The following CUX1 variants were observed in gnomAD, a reference collection of about 807,000 sequenced individuals.
CUX1 encodes the protein cut like homeobox 1.
A neutral mutation model predicts 158.8 loss-of-function variants in CUX1; 31 were observed. The observed-to-expected ratio is 0.20, with a 90% confidence interval of 0.15 to 0.26. CUX1 has a LOEUF of 0.26. CUX1 is among the 10% of genes least tolerant of loss of function. The pLI is 1.00. For synonymous variants in CUX1, 879 were observed against 862.1 expected, an observed-to-expected ratio of 1.02 and a Z score of -0.34; for missense variants, 1,589 against 2,014.6, an observed-to-expected ratio of 0.79 and a Z score of 4.04.
At chr7:102,082,203 A>G (rs1827492965) in intron 4 of CUX1, among the ~76,000 whole-genome samples, 1 of 146,474 alleles carries the variant, frequency 6.8e-6, no homozygotes, top group Non-Finnish European at 1.5e-5. Flanking sequence ...TCTCCAAACT[A>G]CTTTTGCTTA....
chr7:101,920,639 A>G (rs1804807873), intron 2 of CUX1, among the ~76,000 whole-genome samples: 1 of 152,212 alleles, frequency 6.6e-6, no homozygotes, highest in South Asian at 2.1e-4. Context: ...ATCATATGAT[A>G]TTGTGTCTTT....
rs142773399 is a variant in CUX1 at position 102,241,210 on chromosome 7, T to C, written c.3887+1626T>C. 1.0e-3 allele frequency among the ~76,000 whole-genome samples: 154 copies of C among 152,222 alleles called. 2 individuals are homozygous for C. Among genetic ancestry groups the C allele is most frequent in the African/African-American group, 3.6e-3 (149 of 41,526 alleles). ...GCTGTCTTGGTAGAACAAAGTGCAC[T>C]GGGATGAAGTGTTTGGAGTAGATGG... On this transcript the variant is annotated intron_variant, in intron 23 of 23. Transcript: ENST00000292535.
At chr7:101,952,060 C>G (rs1328996805) in intron 2 of CUX1, among the ~76,000 whole-genome samples, 1 of 152,156 alleles carries the variant, frequency 6.6e-6, no homozygotes, top group Non-Finnish European at 1.5e-5. Flanking sequence ...GTGGCCCAGG[C>G]CAGCAGCATC....
At chr7:102,259,607 A>C (rs967625217), downstream of CUX1, among the ~76,000 whole-genome samples, 17 of 152,064 alleles carry the variant, frequency 1.1e-4, no homozygotes, top group South Asian at 4.1e-4. Context: ...AACAAACAAA[A>C]AAATAACCCT....
chr7:101,921,895 A>T (rs918713564), intron 2 of CUX1, among the ~76,000 whole-genome samples: 1 of 152,202 alleles, frequency 6.6e-6, no homozygotes, highest in African/African-American at 2.4e-5. Flanking sequence ...AGGTGGGAGG[A>T]TCGCTTCAGA....
At chr7:102,075,967 A>G (rs1174377634) in intron 4 of CUX1, among the ~76,000 whole-genome samples, 1 of 152,102 alleles carries the variant, frequency 6.6e-6, no homozygotes, top group Non-Finnish European at 1.5e-5. Flanking sequence ...AGCCCAGCAC[A>G]CAGGGTAGGA....
intron 2 of CUX1, among the ~76,000 whole-genome samples, chr7:101,983,579 G>C (rs1042964887): frequency 2.0e-5 from 3 of 152,230 alleles, no homozygotes; most frequent in Non-Finnish European, 4.4e-5. Flanking sequence ...CCATGGTTCT[G>C]CAGGTTGTAC....
chr7:102,210,095 C>CGTTTTT (rs1291348391), intron 20 of CUX1, among the ~76,000 whole-genome samples: 3 of 151,670 alleles, frequency 2.0e-5, no homozygotes, highest in African/African-American at 4.8e-5. Context: ...CTTTTTTATT[C>CGTTTTT]GTTTTTGTTT....
intron 12 of CUX1, 84 bp from the exon 13 acceptor site, chr7:102,193,758 C>A: frequency 7.1e-7 from 1 of 1,398,620 alleles, no homozygotes; most frequent in Non-Finnish European, 9.8e-7. Context: ...GCCAATATCG[C>A]GCCACTGCAC....
chr7:102,070,718 A>G (rs1826030337), intron 4 of CUX1, among the ~76,000 whole-genome samples: 1 of 152,212 alleles, frequency 6.6e-6, no homozygotes, highest in Admixed American at 6.5e-5. Context: ...TGCAGAGAAG[A>G]TGCAGACCTG....
intron 4 of CUX1, among the ~76,000 whole-genome samples, chr7:102,077,892 A>G (rs1042083731): frequency 1.8e-4 from 27 of 146,302 alleles, no homozygotes; most frequent in Admixed American, 6.8e-5. Flanking sequence ...TTTTTTTTTT[A>G]CAATGAGTAT....
intron 20 of CUX1, among the ~76,000 whole-genome samples, chr7:102,214,201 A>G (rs1478937318): frequency 6.6e-6 from 1 of 152,158 alleles, no homozygotes; most frequent in Non-Finnish European, 1.5e-5. Context: ...ACCAAGGCTC[A>G]GAGATAAAAG....
chr7:102,238,320 C>T (rs535119104), intron 22 of CUX1, among the ~76,000 whole-genome samples: 156 of 152,326 alleles, frequency 1.0e-3, no homozygotes, highest in Middle Eastern at 0.01. Context: ...TTCCCAGACG[C>T]TGGCGTTACC....
Position 102,273,486 on chromosome 7 carries a change from A to G in CUX1, c.1376A>G (p.Asp459Gly), listed in dbSNP as rs1490786561. The G allele has an allele frequency of 5.6e-6, 9 of 1,610,602 alleles. No individual in the cohort carries two copies. In the Admixed American group the frequency reaches 6.7e-5, roughly 12 times the overall value. The stretch of plus-strand genomic sequence containing the variant: ...ATCATTCAGTCCATCCAGCGGCCCG[A>G]TGCCGAGGTGAGCCCACCCCCCTGC... The change falls in exon 15 of 23, where the codon GAT (aspartate) becomes GGT (glycine). Residue 459 changes from aspartate (D) to glycine (G), a missense_variant. Physicochemically the swap from Asp to Gly is moderately conservative, Grantham distance 94 (BLOSUM62 -1). Transcript: ENST00000292538.
In CUX1 at chr7:102,104,817, G is replaced by A. The variant is rs991791065; in HGVS notation, c.530+358G>A. 3.9e-5 allele frequency among the ~76,000 whole-genome samples: 6 copies of A among 152,236 alleles called. 1 individual carries two copies. Among genetic ancestry groups the A allele is most frequent in the Admixed American group, 6.5e-5 (1 of 15,280 alleles). ...TGAGGCAGGAGACTCACTTGAACCC[G>A]GGAGGCAGAGGTTGCAGTGAGCCGA... On this transcript the variant is annotated intron_variant, in intron 6 of 23. Transcript: ENST00000292535.
intron 2 of CUX1, among the ~76,000 whole-genome samples, chr7:102,019,998 CTA>C (rs1819158292): frequency 2.6e-5 from 4 of 152,092 alleles, no homozygotes; most frequent in South Asian, 4.1e-4. Context: ...TAGAAAAAGA[CTA>C]TTCATTTATT....
At position 101,991,877 on chromosome 7, in the gene CUX1, C is replaced by G. The variant is rs1010417524; in HGVS notation, c.142-36221C>G. Among the ~76,000 whole-genome samples, 3 of 151,866 alleles carry G rather than the reference C, an allele frequency of 2.0e-5. No individual in the cohort carries two copies. In the South Asian group the frequency reaches 6.2e-4, roughly 32 times the overall value. On this transcript the variant is annotated intron_variant, in intron 2 of 23. Coordinates refer to ENST00000292535, the MANE Select transcript of CUX1 (RefSeq NM_181552.4). The stretch of plus-strand genomic sequence containing the variant: ...AGGAGTTCAAGACCAGTCTGGGCAA[C>G]ATAGCAAGACCTCATCTCTACAAAA...
At chr7:101,875,918 T>A (rs991588037) in intron 1 of CUX1, among the ~76,000 whole-genome samples, 1 of 151,924 alleles carries the variant, frequency 6.6e-6, no homozygotes, top group Non-Finnish European at 1.5e-5. Context: ...TACAAGAAAT[T>A]ATGGTGAAGG....
At chr7:101,856,524 C>T (rs1341131059) in intron 1 of CUX1, among the ~76,000 whole-genome samples, 1 of 152,148 alleles carries the variant, frequency 6.6e-6, no homozygotes, top group African/African-American at 2.4e-5. Flanking sequence ...GCTGGAAAAC[C>T]CTTCAGCGTG....
Sources: allele counts gnomAD v4.1 joint callset (sites outside exome capture counted in the v4.1 genomes callset), GRCh38; gene constraint gnomAD v4.1.1; transcripts MANE v1.5; gene names NCBI Gene and HGNC (gene_info 2026-07-23, HGNC 2026-07-21).